Variants in PRDM2 observed in about 807,000 individuals in gnomAD.
PRDM2 encodes the protein PR domain zinc finger protein 2.
In PRDM2, 30 loss-of-function variants were observed where a neutral mutation model predicts 130.0. The ratio of observed to expected loss-of-function variants is 0.23; its 90% CI spans 0.17 to 0.31. PRDM2 has a LOEUF of 0.31. Ranked by LOEUF, PRDM2 falls within the 10% of genes least tolerant of loss-of-function variation. The pLI is 1.00. For missense variants in PRDM2, 2,011 were observed against 2,108.4 expected, an observed-to-expected ratio of 0.95 and a Z score of 0.90; for synonymous variants, 871 against 782.4, an observed-to-expected ratio of 1.11 and a Z score of -1.89.
At chr1:13,731,227 A>T in intron 3 of PRDM2, 110 bp downstream of exon 3, 1 of 803,586 alleles carries the variant, frequency 1.2e-6, no homozygotes. Flanking sequence ...GCAGCAATTT[A>T]CCCTTGACTT....
chr1:13,819,490 C>G (rs1645312672), intron 9 of PRDM2, among the ~76,000 whole-genome samples: 2 of 152,296 alleles, frequency 1.3e-5, no homozygotes, highest in South Asian at 4.1e-4. Flanking sequence ...TTAAAATCTT[C>G]TGTAGCTTTT....
chr1:13,714,206 C>T lies in PRDM2; in HGVS notation c.-65-1335C>T, dbSNP rs184165007. ...TTTTAACTTGATAACAATCTTATGTCTTAGAGAAGAGGGTTGATTATGTTC... is the reference window on the plus strand; with the variant it reads ...TTTTAACTTGATAACAATCTTATGTTTTAGAGAAGAGGGTTGATTATGTTC... On this transcript the variant is annotated intron_variant, in intron 1 of 9. Transcript: ENST00000311066. 2.3e-3 allele frequency among the ~76,000 whole-genome samples: 332 copies of T among 146,950 alleles called. 1 individual carries two copies. The highest frequency in any genetic ancestry group is 3.5e-3 in the Middle Eastern group (1 of 284).
intron 7 of PRDM2, chr1:13,773,706 T>G (rs2100638174): frequency 6.6e-6 from 1 of 152,268 alleles, no homozygotes; most frequent in South Asian, 2.1e-4. Flanking sequence ...AGGGCGAGAC[T>G]GTCTCTAAAA....
At chr1:13,786,830 G>A in intron 8 of PRDM2, 1 of 1,165,884 alleles carries the variant, frequency 8.6e-7, no homozygotes, top group Non-Finnish European at 1.1e-6. Context: ...ATCTGAGCAT[G>A]GCCCTTGTTT....
chr1:13,805,145 C>T (rs1645067882), intron 8 of PRDM2, among the ~76,000 whole-genome samples: 1 of 152,148 alleles, frequency 6.6e-6, no homozygotes, highest in Non-Finnish European at 1.5e-5. Context: ...GAGGAGCTCC[C>T]AAAAACTACC....
intron 1 of PRDM2, among the ~76,000 whole-genome samples, chr1:13,714,309 A>G (rs1642468607): frequency 6.6e-6 from 1 of 150,756 alleles, no homozygotes; most frequent in African/African-American, 2.4e-5. Flanking sequence ...AAAGGAATGG[A>G]CTTCATGGTT....
At chr1:13,710,551 C>T (rs1305702939) in intron 1 of PRDM2, among the ~76,000 whole-genome samples, 1 of 152,158 alleles carries the variant, frequency 6.6e-6, no homozygotes, top group East Asian at 1.9e-4. Context: ...AAATAGAGAT[C>T]AAGCTCTTAT....
intron 8 of PRDM2, among the ~76,000 whole-genome samples, chr1:13,804,457 C>T (rs1229151756): frequency 4.3e-5 from 6 of 138,744 alleles, no homozygotes; most frequent in Admixed American, 1.4e-4. Flanking sequence ...ACACTTGAGA[C>T]GCCGCTAAAG....
rs552202640 is a variant in PRDM2 at position 13,753,343 on chromosome 1, C to T, written c.511+3856C>T. Among the ~76,000 whole-genome samples the T allele has an allele frequency of 1.2e-3, 180 of 152,276 alleles. 3 individuals are homozygous for T. In the South Asian group the frequency reaches 0.036, roughly 30 times the overall value. ...GGTTCAGATAGTCCTTCCTAAAAAC[C>T]GTCAGTAGTGCCTGAGAATATCAGC... is the stretch of plus-strand genomic sequence containing the variant. On this transcript the variant is annotated intron_variant, in intron 6 of 9. Coordinates refer to ENST00000311066, the MANE Select transcript of PRDM2 (RefSeq NM_001393986.1).
rs375514208 is a variant in PRDM2, at chr1:13,803,258, C to T, written c.5037-13169C>T. Among the ~76,000 whole-genome samples, 71 of 152,334 alleles carry T rather than the reference C, an allele frequency of 4.7e-4. 1 individual carries two copies. In the East Asian group the frequency reaches 8.5e-3, roughly 18 times the overall value. ...GGTTCTTGAGCAGCATGGACAGGCA[C>T]ATTTCAGGGTTGAACCGCACCAGGA... On this transcript the variant is annotated intron_variant, in intron 8 of 9. Transcript: ENST00000311066. This position sits in a 1 kb window ranked among gnomAD's most constrained non-coding sequence, Gnocchi z 6.2.
chr1:13,819,403 G>A (rs1204409410), intron 9 of PRDM2, among the ~76,000 whole-genome samples: 1 of 152,182 alleles, frequency 6.6e-6, no homozygotes, highest in African/African-American at 2.4e-5. Flanking sequence ...AACGTCATTT[G>A]CCTCTGCATC....
At chr1:13,783,997 A>G (rs911770521) in intron 8 of PRDM2, among the ~76,000 whole-genome samples, 1 of 152,242 alleles carries the variant, frequency 6.6e-6, no homozygotes, top group East Asian at 1.9e-4. Context: ...AGAATTTTTA[A>G]TGCTGGTGTG....
In PRDM2 at chr1:13,780,174, A is replaced by G. The variant is rs771770641; in HGVS notation, c.2379A>G (p.Glu793=). ...AWSLSGRDER[E]TVSPPCFDEY... Reference sequence around the variant, plus strand: ...GTTTGTCTGGGAGAGATGAGAGAGAAACTGTGAGCCCTCCATGCTTTGATG... The same window carrying G: ...GTTTGTCTGGGAGAGATGAGAGAGAGACTGTGAGCCCTCCATGCTTTGATG... The change falls in exon 8 of 10, where the codon GAA becomes GAG. Residue 793 remains glutamate, a synonymous_variant. Coordinates refer to ENST00000311066, the MANE Select transcript of PRDM2 (RefSeq NM_001393986.1). The G allele has an allele frequency of 6.2e-7, 1 of 1,600,416 alleles. No homozygotes were observed. Among genetic ancestry groups the G allele is most frequent in the Admixed American group, 1.7e-5 (1 of 58,602 alleles).
At position 13,749,419 on chromosome 1, in the gene PRDM2, T is replaced by G. The variant is rs757747800; in HGVS notation, c.443T>G (p.Ile148Arg). Residue 148 changes from isoleucine (I) to arginine (R), a missense_variant, in exon 6 of 10, where the codon ATA becomes AGA. By Grantham distance (97) the Ile-to-Arg change is moderately conservative. This residue lies in a region of PRDM2 where 1,288 missense variants were observed against 1,237.7 expected (regional missense o/e 1.04). Coordinates refer to ENST00000311066, the MANE Select transcript of PRDM2 (RefSeq NM_001393986.1). ...TACAATGGGGAAGACAACCCTGAGA[T>G]AGCAGCTGCGATTGAGGAAGAGCGA... ...VWYNGEDNPE[I>R]AAAIEEERAS... The G allele has an allele frequency of 6.6e-7, 1 of 1,504,606 alleles. No homozygotes were observed. Among genetic ancestry groups the G allele is most frequent in the Admixed American group, 1.8e-5 (1 of 54,766 alleles). The allele number at this position is 1,504,606 out of a possible 1,614,324, so 93.2% of individuals were successfully genotyped here.
At chr1:13,715,737 C>G (rs1210551416) in intron 2 of PRDM2, 123 bp downstream of exon 2, 1 of 836,572 alleles carries the variant, frequency 1.2e-6, no homozygotes, top group African/African-American at 1.8e-5. Flanking sequence ...TTTCTTAATA[C>G]CATTAATTAG....
At chr1:13,717,174 G>T (rs1020101999) in intron 2 of PRDM2, among the ~76,000 whole-genome samples, 1 of 152,174 alleles carries the variant, frequency 6.6e-6, no homozygotes, top group African/African-American at 2.4e-5. Context: ...TTTAAAACTT[G>T]CAGATTTATT....
At position 13,781,988 on chromosome 1, in the gene PRDM2, G is replaced by T; in HGVS notation, c.4193G>T (p.Gly1398Val). ...NSGKNAFRRMGQPKRLNFSVE... is the reference protein window; with the variant it reads ...NSGKNAFRRMVQPKRLNFSVE... ...GGGAAAAATGCCTTCCGACGAATGG[G>T]ACAGCCCAAAAGGCTTAACTTTAGT... The change falls in exon 8 of 10, where the codon GGA becomes GTA. Residue 1398 changes from glycine (G) to valine (V), a missense_variant. Physicochemically the swap from Gly to Val is moderately radical, Grantham distance 109 (BLOSUM62 -3). Around this residue, in one of 5 missense-constraint regions of PRDM2, gnomAD observed 410 missense variants for 395.9 expected, o/e 1.04. Transcript: ENST00000311066. The surrounding 1 kb of genome is among the most constrained non-coding windows in gnomAD (Gnocchi z 6.1). The T allele has an allele frequency of 1.9e-6, 3 of 1,614,186 alleles. No homozygotes were observed. The highest frequency in any genetic ancestry group is 2.2e-5 in the East Asian group (1 of 44,884).
intron 6 of PRDM2, among the ~76,000 whole-genome samples, chr1:13,762,313 A>G (rs964853902): frequency 1.3e-5 from 2 of 152,212 alleles, no homozygotes; most frequent in Non-Finnish European, 2.9e-5. Context: ...TTTTATGGGT[A>G]TCTGTTTTTG....
intron 7 of PRDM2, among the ~76,000 whole-genome samples, chr1:13,777,042 G>T (rs991497675): frequency 6.6e-6 from 1 of 152,096 alleles, no homozygotes; most frequent in Admixed American, 6.6e-5. Context: ...ACTTTAGCAC[G>T]TCTGAAGTAA....
Sources: allele counts gnomAD v4.1 joint callset (sites outside exome capture counted in the v4.1 genomes callset), GRCh38; gene constraint gnomAD v4.1.1; regional missense constraint gnomAD v4.1.1; non-coding constraint Gnocchi (gnomAD v3.1); transcripts MANE v1.5; gene names NCBI Gene and HGNC (gene_info 2026-07-23, HGNC 2026-07-21).